The following CACUL1 variants were observed in gnomAD, a reference collection of about 807,000 sequenced individuals.
CACUL1 encodes the protein CDK2-associated and cullin domain-containing protein 1.
Under a neutral mutation model 45.2 loss-of-function variants are expected in CACUL1, and 13 were observed. The ratio of observed to expected loss-of-function variants is 0.29; its 90% CI spans 0.19 to 0.46. CACUL1 has a LOEUF of 0.46. Ranked by LOEUF, CACUL1 falls within the 20% of genes least tolerant of loss-of-function variation. The probability of loss-of-function intolerance (pLI) is 1.00; values close to 1 mark genes in which losing one functional copy is unlikely to be tolerated. For synonymous variants in CACUL1, 197 were observed against 174.2 expected, an observed-to-expected ratio of 1.13 and a Z score of -1.03; for missense variants, 421 against 471.4, an observed-to-expected ratio of 0.89 and a Z score of 0.99.
At chr10:118,711,590 G>A (rs1420284601) in intron 3 of CACUL1, among the ~76,000 whole-genome samples, 4 of 152,138 alleles carry the variant, frequency 2.6e-5, no homozygotes, top group Non-Finnish European at 5.9e-5. Context: ...AAAAGCTGTT[G>A]CATTAAAATA....
chr10:118,689,208 G>C (rs1173929047), intron 7 of CACUL1, among the ~76,000 whole-genome samples: 1 of 152,194 alleles, frequency 6.6e-6, no homozygotes, highest in Non-Finnish European at 1.5e-5. Context: ...ACAGAATGTG[G>C]AAGGTCCATG....
In CACUL1 at chr10:118,754,879, CGGAGAGGG is replaced by C; in HGVS notation, c.-125_-118del. On this transcript the variant is annotated 5_prime_UTR_variant, in exon 1 of 9. Transcript: ENST00000369151. ...TCGCCGGCGGCAGGAATGGGCGCAG[CGGAGAGGG>C]CTGCGGTGCGCAGGGTCTCTCGCTC... 1 of 1,388,442 alleles carries C rather than the reference CGGAGAGGG, an allele frequency of 7.2e-7. No individual in the cohort carries two copies. Among genetic ancestry groups the C allele is most frequent in the Non-Finnish European group, 9.7e-7 (1 of 1,035,282 alleles). The allele number at this position is 1,388,442 out of a possible 1,614,324, so 86.0% of individuals were successfully genotyped here. A position where few individuals can be genotyped will look rare whatever the true frequency, so the allele number is the denominator to read the frequency against.
At chr10:118,707,820 G>A (rs927262750) in intron 3 of CACUL1, among the ~76,000 whole-genome samples, 9 of 151,942 alleles carry the variant, frequency 5.9e-5, no homozygotes, top group African/African-American at 1.2e-4. Context: ...ACCTCAACAC[G>A]TTAATTAAAA....
chr10:118,754,848 G>A lies in CACUL1; in HGVS notation c.-86C>T, dbSNP rs1219537737. 1.4e-6 allele frequency: 2 copies of A among 1,476,708 alleles called. No individual in the cohort carries two copies. The highest frequency in any genetic ancestry group is 1.8e-6 in the Non-Finnish European group (2 of 1,111,448). The allele number at this position is 1,476,708 out of a possible 1,614,324, so 91.5% of individuals were successfully genotyped here. On this transcript the variant is annotated 5_prime_UTR_variant, in exon 1 of 9. Transcript: ENST00000369151. ...CCAGCGGGCACCGCTGCCTCCCCGA[G>A]TTACATCGCCGGCGGCAGGAATGGG...
chr10:118,733,761 C>T (rs1038838389), intron 1 of CACUL1, among the ~76,000 whole-genome samples: 2 of 152,200 alleles, frequency 1.3e-5, no homozygotes, highest in Admixed American at 1.3e-4. Context: ...CCTGTAATCC[C>T]AGCACTTTGG....
chr10:118,707,453 A>C, intron 4 of CACUL1, 39 bp downstream of exon 4: 1 of 927,230 alleles, frequency 1.1e-6, no homozygotes. Context: ...TCAACAATAC[A>C]CCTAGGTATT....
In CACUL1 at chr10:118,729,316, C is replaced by A; in HGVS notation, c.576G>T (p.Glu192Asp). ...DLIKKITNHL[E>D]RVSKELQASP... is the part of the protein sequence containing the mutation. ...TTACCTGCAGCTCCTTTGAGACTCT[C>A]TCTAAGTGATTAGTTATCTTTTTAA... Residue 192 changes from glutamate to aspartate, a missense_variant, in exon 3 of 9, where the codon GAG (glutamate) becomes GAT (aspartate). Physicochemically the swap from Glu to Asp is conservative, Grantham distance 45. Transcript: ENST00000369151. 6.2e-7 allele frequency: 1 copy of A among 1,613,322 alleles called. No homozygotes were observed. Among genetic ancestry groups the A allele is most frequent in the East Asian group, 2.2e-5 (1 of 44,824 alleles).
At chr10:118,717,887 G>A (rs1328842784) in intron 3 of CACUL1, among the ~76,000 whole-genome samples, 1 of 152,208 alleles carries the variant, frequency 6.6e-6, no homozygotes. Context: ...GCCGGGCTTA[G>A]TAAGACCTGA....
intron 1 of CACUL1, among the ~76,000 whole-genome samples, chr10:118,741,027 A>G (rs1845787959): frequency 6.6e-6 from 1 of 152,194 alleles, no homozygotes; most frequent in African/African-American, 2.4e-5. Flanking sequence ...AACAGGTAAT[A>G]TAAAAATGAT....
intron 3 of CACUL1, among the ~76,000 whole-genome samples, chr10:118,726,876 G>C (rs944483623): frequency 5.3e-5 from 8 of 152,034 alleles, no homozygotes; most frequent in Non-Finnish European, 4.4e-5. Flanking sequence ...CACAAATGCT[G>C]AGTGACAGAG....
intron 5 of CACUL1, among the ~76,000 whole-genome samples, chr10:118,700,088 G>A (rs1845364032): frequency 6.6e-6 from 1 of 151,468 alleles, no homozygotes; most frequent in South Asian, 2.1e-4. Context: ...CCCCATGCTT[G>A]ATAATTCCTT....
At chr10:118,730,484 C>A in intron 1 of CACUL1, 74 bp from the exon 2 acceptor site, 2 of 1,360,510 alleles carry the variant, frequency 1.5e-6, no homozygotes, top group Non-Finnish European at 1.0e-6. Flanking sequence ...CCATTTTGCA[C>A]TCTCAAATTC....
intron 1 of CACUL1, among the ~76,000 whole-genome samples, chr10:118,742,695 T>A (rs1009095931): frequency 1.3e-5 from 2 of 152,164 alleles, no homozygotes; most frequent in African/African-American, 4.8e-5. Context: ...TTAAAGACCC[T>A]GCCATGATAT....
intron 2 of CACUL1, among the ~76,000 whole-genome samples, chr10:118,729,693 T>A (rs564654590): frequency 2.6e-5 from 4 of 152,328 alleles, no homozygotes; most frequent in Non-Finnish European, 5.9e-5. Context: ...TAACTATTTA[T>A]AAACCAGGTT....
At chr10:118,691,576 G>C (rs1023587228) in intron 6 of CACUL1, 173 bp from the exon 7 acceptor site, 1 of 599,366 alleles carries the variant, frequency 1.7e-6, no homozygotes, top group Admixed American at 3.1e-5. Flanking sequence ...CTTCTAAAAA[G>C]AATTTTACAG....
rs1845200897 is a variant in CACUL1 at position 118,685,958 on chromosome 10, T to A, written c.*170A>T. 3 of 419,258 alleles carry A rather than the reference T, an allele frequency of 7.2e-6. No individual in the cohort carries two copies. The highest frequency in any genetic ancestry group is 1.3e-5 in the Non-Finnish European group (3 of 233,266). 26.0% of individuals were successfully genotyped at this position (419,258 alleles called of 1,614,324 possible). On this transcript the variant is annotated 3_prime_UTR_variant, in exon 9 of 9. Coordinates refer to ENST00000369151, the MANE Select transcript of CACUL1 (RefSeq NM_153810.5). ...CTAGCAGCAACGTTTTTTTTTTTTT[T>A]AGTTTTTGTTTTAAAATTACAAACC...
At chr10:118,687,420 T>C (rs1392568568) in intron 7 of CACUL1, among the ~76,000 whole-genome samples, 3 of 152,190 alleles carry the variant, frequency 2.0e-5, no homozygotes, top group African/African-American at 7.2e-5. Context: ...TCCAGCTTGA[T>C]CACTCAACCC....
At chr10:118,737,782 A>T (rs1845753889) in intron 1 of CACUL1, among the ~76,000 whole-genome samples, 1 of 152,032 alleles carries the variant, frequency 6.6e-6, no homozygotes, top group African/African-American at 2.4e-5. Flanking sequence ...CTGTTCTACC[A>T]TTACAACATC....
intron 3 of CACUL1, among the ~76,000 whole-genome samples, chr10:118,715,882 T>G (rs916723227): frequency 3.3e-5 from 5 of 152,204 alleles, no homozygotes; most frequent in Non-Finnish European, 7.3e-5. Context: ...AACATGTATC[T>G]TTGTAAAAGT....
Sources: allele counts gnomAD v4.1 joint callset (sites outside exome capture counted in the v4.1 genomes callset), GRCh38; gene constraint gnomAD v4.1.1; transcripts MANE v1.5; gene names NCBI Gene and HGNC (gene_info 2026-07-23, HGNC 2026-07-21).